The following MESD variants were observed in gnomAD, a reference collection of about 807,000 sequenced individuals.
MESD encodes the protein LRP chaperone MESD.
In MESD, 7 loss-of-function variants were observed where a neutral mutation model predicts 12.9. That is an observed-to-expected ratio of 0.54 (90% CI 0.31 to 1.02). MESD has a LOEUF of 1.02. MESD is among the 50% of genes least tolerant of loss of function. MESD has a pLI of 0.05. For missense variants in MESD, 342 were observed against 296.7 expected, an observed-to-expected ratio of 1.15 and a Z score of -1.12; for synonymous variants, 126 against 115.6, an observed-to-expected ratio of 1.09 and a Z score of -0.58.
downstream of MESD, chr15:80,946,485 T>C (rs958178008): frequency 1.2e-5 from 2 of 173,716 alleles, no homozygotes; most frequent in African/African-American, 4.7e-5. Context: ...GGTTTTATGA[T>C]TTGACAGATG....
At chr15:80,957,122 GCTT>G (rs1322184743) in intron 3 of MESD, among the ~76,000 whole-genome samples, 1 of 152,052 alleles carries the variant, frequency 6.6e-6, no homozygotes, top group Non-Finnish European at 1.5e-5. Flanking sequence ...ACCATGCTCA[GCTT>G]CTTCATCTTC....
chr15:80,985,639 CTTTT>C (rs11425497), intron 1 of MESD, among the ~76,000 whole-genome samples: 2 of 89,048 alleles, frequency 2.2e-5, no homozygotes, highest in African/African-American at 4.6e-5. Context: ...TCCCAAGCAG[CTTTT>C]TTTTTTTTTT....
chr15:80,955,871 C>T (rs1901971598), intron 3 of MESD, among the ~76,000 whole-genome samples: 1 of 152,066 alleles, frequency 6.6e-6, no homozygotes, highest in Admixed American at 6.5e-5. Context: ...ATCCACCCAC[C>T]TCGGCCTCCC....
At chr15:80,988,219 G>A (rs904756294) in intron 1 of MESD, among the ~76,000 whole-genome samples, 3 of 152,210 alleles carry the variant, frequency 2.0e-5, no homozygotes, top group Admixed American at 2.0e-4. Context: ...TAACCTCTTT[G>A]TGTCTCAATG....
intron 3 of MESD, among the ~76,000 whole-genome samples, chr15:80,963,856 C>T (rs537813261): frequency 5.1e-4 from 77 of 152,286 alleles, no homozygotes; most frequent in Admixed American, 5.0e-3. Context: ...TTATGACAAA[C>T]CCACAGCCAA....
chr15:80,989,480 TA>T (rs1271889395), intron 1 of MESD, 98 bp downstream of exon 1: 85 of 1,356,248 alleles, frequency 6.3e-5, no homozygotes, highest in African/African-American at 2.2e-4. Flanking sequence ...TAGAGGAGGT[TA>T]GGGGGTCAGA....
At chr15:80,988,923 C>G (rs1893221545) in intron 1 of MESD, among the ~76,000 whole-genome samples, 1 of 152,210 alleles carries the variant, frequency 6.6e-6, no homozygotes, top group Non-Finnish European at 1.5e-5. Flanking sequence ...ACTGCACACT[C>G]CGGTGCGTCC....
At chr15:80,985,587 T>G (rs1248783688) in intron 1 of MESD, among the ~76,000 whole-genome samples, 1 of 151,952 alleles carries the variant, frequency 6.6e-6, no homozygotes, top group African/African-American at 2.4e-5. Flanking sequence ...TTTGTATTTT[T>G]CAGATTGATT....
chr15:80,969,506 C>G (rs1319626796), intron 3 of MESD, among the ~76,000 whole-genome samples: 1 of 151,938 alleles, frequency 6.6e-6, no homozygotes, highest in Non-Finnish European at 1.5e-5. Flanking sequence ...GCCCCTCTCC[C>G]AAGCAGATTA....
At chr15:80,980,766 C>T (rs1027833075) in intron 2 of MESD, among the ~76,000 whole-genome samples, 2 of 151,820 alleles carry the variant, frequency 1.3e-5, no homozygotes, top group Non-Finnish European at 2.9e-5. Context: ...TGAGACCTCG[C>T]CTCTTCAAAA....
At chr15:80,972,425 G>C (rs1183281665), downstream of MESD, among the ~76,000 whole-genome samples, 1 of 152,168 alleles carries the variant, frequency 6.6e-6, no homozygotes, top group Non-Finnish European at 1.5e-5. Flanking sequence ...TGGTGACCTG[G>C]GTCAGATGCC....
downstream of MESD, among the ~76,000 whole-genome samples, chr15:80,972,126 T>A (rs1037311199): frequency 2.0e-5 from 3 of 152,074 alleles, no homozygotes; most frequent in African/African-American, 7.2e-5. Flanking sequence ...TCTCACTCCC[T>A]CACATAGATG....
rs542233349 is a variant in MESD, at chr15:80,989,344, T to C, written c.213+235A>G. Among the ~76,000 whole-genome samples, 10 of 151,992 alleles carry C rather than the reference T, an allele frequency of 6.6e-5. No homozygotes were observed. In the East Asian group the frequency reaches 9.7e-4, roughly 15 times the overall value. The stretch of plus-strand genomic sequence containing the variant: ...TCCGTGATTGAAGTGGTTTGAGAAA[T>C]GGCAGGAGGAACAGGGCACTGGAAT... On this transcript the variant is annotated intron_variant, in intron 1 of 2. Coordinates refer to ENST00000261758, the MANE Select transcript of MESD (RefSeq NM_015154.3).
chr15:80,958,825 T>C (rs964554828), intron 3 of MESD, among the ~76,000 whole-genome samples: 4 of 152,198 alleles, frequency 2.6e-5, no homozygotes, highest in Non-Finnish European at 5.9e-5. Flanking sequence ...GTTTATGGAA[T>C]GGCAATTGTT....
Position 80,948,727 on chromosome 15 carries a change from C to T in MESD, c.*798G>A, listed in dbSNP as rs1446564753. On this transcript the variant is annotated 3_prime_UTR_variant, in exon 5 of 5. Coordinates refer to the MESD transcript ENST00000561312. ...GGCGTGGGGGGCTGGCGATGGGGAG[C>T]CATGGAACGGGGTGGGGCAGCCGTC... The T allele has an allele frequency of 2.5e-6, 4 of 1,606,034 alleles. No individual in the cohort carries two copies. In the East Asian group the frequency reaches 6.7e-5, roughly 27 times the overall value.
At chr15:80,950,447 C>T (rs527683372) in intron 4 of MESD, 2 of 152,400 alleles carry the variant, frequency 1.3e-5, no homozygotes, top group East Asian at 3.9e-4. Flanking sequence ...TCTCTTCCCT[C>T]CTGCTCCCAG....
In MESD at chr15:80,955,502, A is replaced by C. The variant is rs546128627; in HGVS notation, c.*289-3206T>G. ...GACTCCGTCTCAAAAAAAAAAAAAA[A>C]AAAGAAATGCCCAATCTCAGGCTCT... On this transcript the variant is annotated intron_variant, in intron 3 of 4. Transcript: ENST00000561312. Among the ~76,000 whole-genome samples, 275 of 143,418 alleles carry C rather than the reference A, an allele frequency of 1.9e-3. 2 individuals are homozygous for C. The highest frequency in any genetic ancestry group is 0.01 in the Middle Eastern group (3 of 292). 94.1% of individuals were successfully genotyped at this position (143,418 alleles called of 152,430 possible).
rs185628590 is a variant in MESD, at chr15:80,979,457, C to T, written c.467G>A (p.Arg156His). The T allele has an allele frequency of 2.4e-4, 389 of 1,614,180 alleles. 1 individual carries two copies. Among genetic ancestry groups the T allele is most frequent in the Middle Eastern group, 1.6e-4 (1 of 6,062 alleles). The change falls in exon 3 of 3, where the codon CGT becomes CAT. Residue 156 changes from arginine (R) to histidine (H), a missense_variant. By Grantham distance (29) the Arg-to-His change is conservative. Coordinates refer to ENST00000261758, the MANE Select transcript of MESD (RefSeq NM_015154.3). Reference protein sequence around the residue: ...DVQRFIVGSDRAIFMLRDGSY... With the variant: ...DVQRFIVGSDHAIFMLRDGSY... ...CCCATCGCGAAGCATGAAGATAGCA[C>T]GGTCTGATCCCACAATGAACCTTGG...
intron 1 of MESD, among the ~76,000 whole-genome samples, chr15:80,983,190 C>T (rs183634490): frequency 6.1e-4 from 92 of 151,680 alleles, no homozygotes; most frequent in African/African-American, 2.2e-3. Context: ...CTGCAGTAAG[C>T]TATAATTATG....
Sources: gnomAD v4.1 joint callset for allele counts (sites outside exome capture counted in the v4.1 genomes callset) on GRCh38, gnomAD v4.1.1 for gene constraint, MANE v1.5 for transcripts, NCBI Gene and HGNC (gene_info 2026-07-23, HGNC 2026-07-21) for gene names.